The following SLFN14 variants were observed in gnomAD, a reference collection of about 807,000 sequenced individuals.
SLFN14 encodes the protein schlafen family member 14, also known as protein SLFN14.
In SLFN14, 47 loss-of-function variants were observed where a neutral mutation model predicts 58.6. The observed-to-expected ratio is 0.80, with a 90% confidence interval of 0.64 to 1.02. The LOEUF (loss-of-function observed/expected upper bound fraction) is 1.02. SLFN14 is among the 50% of genes least tolerant of loss of function. SLFN14 has a pLI of 0.00. For synonymous variants in SLFN14, 390 were observed against 387.3 expected (o/e 1.01, Z -0.08); for missense variants, 967 against 1,078.4 (o/e 0.90, Z 1.45).
In SLFN14 at chr17:35,557,049, C is replaced by G; in HGVS notation, c.1014G>C (p.Arg338=). ...TGACCACCCACTGCTCAGCTGTCAGCCGTGTGACAGAATTGTCTTTCATGA... is the reference window on the plus strand; with the variant it reads ...TGACCACCCACTGCTCAGCTGTCAGGCGTGTGACAGAATTGTCTTTCATGA... ...SWIMKDNSVT[R]LTAEQWVVMM... is the part of the protein sequence containing the mutation. The change falls in exon 3 of 6, where the codon CGG becomes CGC. Residue 338 remains arginine (R), a synonymous_variant. Coordinates refer to ENST00000674182, the MANE Select transcript of SLFN14 (RefSeq NM_001129820.2). 6.4e-7 allele frequency: 1 copy of G among 1,551,662 alleles called. No individual in the cohort carries two copies.
At position 35,557,579 on chromosome 17, in the gene SLFN14, G is replaced by A; in HGVS notation, c.484C>T (p.Pro162Ser). 6.4e-7 allele frequency: 1 copy of A among 1,551,536 alleles called. No homozygotes were observed. The highest frequency in any genetic ancestry group is 8.7e-7 in the Non-Finnish European group (1 of 1,146,972). The part of the protein sequence containing the change: ...EKGFRAQRGR[P>S]RVKKLHPQQV... ...TGAGGATGCAACTTCTTCACCCTTG[G>A]TCTTCCTCTTTGGGCTCTAAACCCC... The change falls in exon 3 of 6, where the codon CCA becomes TCA. Residue 162 changes from proline (P) to serine (S), a missense_variant. Transcript: ENST00000674182.
chr17:35,554,799 C>T, intron 3 of SLFN14, 95 bp from the exon 4 acceptor site: 2 of 1,107,564 alleles, frequency 1.8e-6, no homozygotes, highest in Non-Finnish European at 2.4e-6. Flanking sequence ...TTACTGGAGA[C>T]CTGTGATGTG....
Position 35,553,151 on chromosome 17 carries a change from T to C in SLFN14, c.1483A>G (p.Lys495Glu). 1 of 1,551,720 alleles carries C rather than the reference T, an allele frequency of 6.4e-7. No individual in the cohort carries two copies. Among genetic ancestry groups the C allele is most frequent in the Non-Finnish European group, 8.7e-7 (1 of 1,146,992 alleles). ...GTGTAACCACCAACAGTTTGCAGTT[T>C]CTGCTTTAACTGATGAGCTGTGTTT... ...ARNTAHQLKQ[K>E]LQTVGGYTGK... The change falls in exon 5 of 6, where the codon AAA (lysine) becomes GAA (glutamate). Residue 495 changes from lysine to glutamate, a missense_variant. By Grantham distance (56) the Lys-to-Glu change is moderately conservative (BLOSUM62 1). Coordinates refer to ENST00000674182, the MANE Select transcript of SLFN14 (RefSeq NM_001129820.2).
At chr17:35,552,593 A>G (rs1344785407) in intron 5 of SLFN14, 137 bp downstream of exon 5, 2 of 320,582 alleles carry the variant, frequency 6.2e-6, no homozygotes, top group Non-Finnish European at 9.8e-6. Context: ...TTGCAACTGC[A>G]AAAAGAATAT....
chr17:35,556,209 T>G (rs560929722), intron 3 of SLFN14, among the ~76,000 whole-genome samples: 2 of 152,000 alleles, frequency 1.3e-5, no homozygotes, highest in East Asian at 3.9e-4. Context: ...GGCTAATTTT[T>G]ATATTTGGGG....
chr17:35,552,651 C>CAT (rs71366453), intron 5 of SLFN14, 79 bp downstream of exon 5: 174,585 of 485,734 alleles, frequency 0.36, 39,368 homozygotes, highest in Admixed American at 0.41. Context: ...TATATATACA[C>CAT]ATATATATAC....
intron 3 of SLFN14, 151 bp from the exon 4 acceptor site, chr17:35,554,855 C>A: frequency 2.0e-6 from 1 of 499,946 alleles, no homozygotes; most frequent in South Asian, 6.7e-5. Context: ...AGACAGCTCA[C>A]GTATGTCAGG....
At chr17:35,556,957 G>A (rs553735898) in intron 3 of SLFN14, 46 bp downstream of exon 3, 3 of 1,470,784 alleles carry the variant, frequency 2.0e-6, no homozygotes, top group South Asian at 1.4e-5. Flanking sequence ...GGCAGAGAAA[G>A]GGGTTCCTCC....
Position 35,557,802 on chromosome 17 carries a change from G to A in SLFN14, c.261C>T (p.Leu87=), listed in dbSNP as rs1314204561. The A allele has an allele frequency of 6.4e-7, 1 of 1,551,602 alleles. No homozygotes were observed. The highest frequency in any genetic ancestry group is 1.4e-5 in the African/African-American group (1 of 73,048). Residue 87 remains leucine, a synonymous_variant, in exon 3 of 6, where the codon CTC becomes CTT. Transcript: ENST00000674182. ...GQDLETSFQK[L]LPSGSQKYLD... is the part of the protein sequence containing the mutation. ...GGTATTTCTGTGAACCTGAAGGAAG[G>A]AGCTTTTGAAAAGAAGTTTCCAAAT... is the stretch of plus-strand genomic sequence containing the variant.
chr17:35,553,445 C>T lies in SLFN14; in HGVS notation c.1190-1G>A. The T allele has an allele frequency of 6.5e-7, 1 of 1,527,618 alleles. No individual in the cohort carries two copies. The allele number at this position is 1,527,618 out of a possible 1,614,324, so 94.6% of individuals were successfully genotyped here. ...TTAAATTGTACCTCTTCCTGTGTCA[C>T]TGAAAATTCAAGGAATAGATGTTAC... On this transcript the variant is annotated splice_acceptor_variant, in intron 4 of 5. Transcript: ENST00000674182. LOFTEE classifies it high-confidence loss of function.
rs996620353 is a variant in SLFN14, at chr17:35,549,908, G to A, written c.1905-835C>T. Among the ~76,000 whole-genome samples the A allele has an allele frequency of 2.0e-5, 3 of 152,022 alleles. No homozygotes were observed. The East Asian group carries it at 5.8e-4, about 29-fold the overall frequency. ...ATCTTTGTATCCCTCTCACATTAAG[G>A]GTTTCATAGATATTTGTTGAGTTAG... On this transcript the variant is annotated intron_variant, in intron 5 of 5. Transcript: ENST00000674182.
chr17:35,556,457 C>T (rs187741105), intron 3 of SLFN14, among the ~76,000 whole-genome samples: 82 of 152,278 alleles, frequency 5.4e-4, no homozygotes, highest in Admixed American at 9.8e-4. Context: ...TTTCCTAACT[C>T]ATTGCTGATG....
chr17:35,553,601 A>G (rs1258318304), intron 4 of SLFN14, 157 bp from the exon 5 acceptor site: 2 of 633,000 alleles, frequency 3.2e-6, no homozygotes, highest in East Asian at 2.9e-5. Flanking sequence ...TTACTCCCCA[A>G]CTCTCCCCCA....
At position 35,553,438 on chromosome 17, in the gene SLFN14, T is replaced by C. The variant is rs1365934707; in HGVS notation, c.1196A>G (p.Gln399Arg). 2 of 1,532,166 alleles carry C rather than the reference T, an allele frequency of 1.3e-6. No individual in the cohort carries two copies. Among genetic ancestry groups the C allele is most frequent in the Non-Finnish European group, 1.8e-6 (2 of 1,137,104 alleles). The allele number at this position is 1,532,166 out of a possible 1,614,324, so 94.9% of individuals were successfully genotyped here. A position where few individuals can be genotyped will look rare whatever the true frequency, so the allele number is the denominator to read the frequency against. Residue 399 changes from glutamine (Q) to arginine (R), a missense_variant, in exon 5 of 6, where the codon CAG becomes CGG. Coordinates refer to ENST00000674182, the MANE Select transcript of SLFN14 (RefSeq NM_001129820.2). ...TTCTGGTTTAAATTGTACCTCTTCC[T>C]GTGTCACTGAAAATTCAAGGAATAG... ...ALQRHLFPVT[Q>R]EEVQFKPESL... is the part of the protein sequence containing the mutation.
At position 35,552,882 on chromosome 17, in the gene SLFN14, C is replaced by T. The variant is rs1214232490; in HGVS notation, c.1752G>A (p.Gln584=). The stretch of plus-strand genomic sequence containing the variant: ...AGTAGATGAATAATTCACGTGTCTT[C>T]TGAAGACTCTCAGAAAGCAACTGGC... The part of the protein sequence containing the change: ...EQSQLLSESL[Q]KTRELFIYCF... Residue 584 remains glutamine (Q), a synonymous_variant, in exon 5 of 6, where the codon CAG becomes CAA. Coordinates refer to ENST00000674182, the MANE Select transcript of SLFN14 (RefSeq NM_001129820.2). 5.2e-6 allele frequency: 8 copies of T among 1,551,418 alleles called. No individual in the cohort carries two copies. The Admixed American group carries it at 1.6e-4, about 30-fold the overall frequency.
intron 5 of SLFN14, among the ~76,000 whole-genome samples, chr17:35,550,408 T>A (rs1422832362): frequency 6.6e-6 from 1 of 152,098 alleles, no homozygotes; most frequent in African/African-American, 2.4e-5. Context: ...TAGCTAGGCG[T>A]GGTGATGCAC....
Position 35,558,020 on chromosome 17 carries a change from C to G in SLFN14, c.43G>C (p.Val15Leu). 1 of 1,551,538 alleles carries G rather than the reference C, an allele frequency of 6.4e-7. No individual in the cohort carries two copies. The highest frequency in any genetic ancestry group is 8.7e-7 in the Non-Finnish European group (1 of 1,147,002). ...KTDTEMPYPEVIVDVGRVIFG... is the reference protein window; with the variant it reads ...KTDTEMPYPELIVDVGRVIFG... Reference sequence around the variant, plus strand: ...ATCACTCTGCCCACATCTACTATTACCTCAGGATACGGCATTTCAGTATCA... The same window carrying G: ...ATCACTCTGCCCACATCTACTATTAGCTCAGGATACGGCATTTCAGTATCA... The change falls in exon 3 of 6, where the codon GTA becomes CTA. Residue 15 changes from valine to leucine, a missense_variant. Transcript: ENST00000674182.
At position 35,553,284 on chromosome 17, in the gene SLFN14, T is replaced by C; in HGVS notation, c.1350A>G (p.Lys450=). Residue 450 remains lysine, a synonymous_variant, in exon 5 of 6, where the codon AAA becomes AAG. Coordinates refer to ENST00000674182, the MANE Select transcript of SLFN14 (RefSeq NM_001129820.2). The part of the protein sequence containing the change: ...RSWAGDVGFR[K]EQNVLCDALL... ...GAGCATCACACAGGACATTCTGTTC[T>C]TTCCTGAAGCCAACATCACCAGCCC... 6.4e-7 allele frequency: 1 copy of C among 1,551,698 alleles called. No individual in the cohort carries two copies. Among genetic ancestry groups the C allele is most frequent in the South Asian group, 1.2e-5 (1 of 84,052 alleles).
intron 5 of SLFN14, among the ~76,000 whole-genome samples, chr17:35,550,258 G>T (rs1170358470): frequency 6.6e-6 from 1 of 152,158 alleles, no homozygotes; most frequent in Non-Finnish European, 1.5e-5. Context: ...GTTAAAATGG[G>T]CATGAGGCCA....
Sources: allele counts gnomAD v4.1 joint callset (sites outside exome capture counted in the v4.1 genomes callset), GRCh38; gene constraint gnomAD v4.1.1; transcripts MANE v1.5; gene names NCBI Gene and HGNC (gene_info 2026-07-23, HGNC 2026-07-21).